Variants in SLCO6A1 observed in about 807,000 individuals in gnomAD.
SLCO6A1 encodes cancer/testis antigen 48.
SLCO6A1 carries 65 observed loss-of-function variants against 72.7 expected under a neutral mutation model. That is an observed-to-expected ratio of 0.89 (90% CI 0.73 to 1.10). The LOEUF (loss-of-function observed/expected upper bound fraction) is 1.10. Among genes scored for constraint, SLCO6A1 ranks in the 50% least tolerant of loss-of-function variants. SLCO6A1 has a pLI of 0.00. For synonymous variants in SLCO6A1, 314 were observed against 298.2 expected (o/e 1.05, Z -0.55); for missense variants, 874 against 872.6 (o/e 1.00, Z -0.02).
At chr5:102,421,210 G>A (rs1748580952) in intron 7 of SLCO6A1, among the ~76,000 whole-genome samples, 1 of 152,076 alleles carries the variant, frequency 6.6e-6, no homozygotes. Flanking sequence ...CAGACAATGA[G>A]CTAGCTGCAG....
At chr5:102,391,262 C>T (rs1746742440) in intron 10 of SLCO6A1, 1 of 489,800 alleles carries the variant, frequency 2.0e-6, no homozygotes, top group African/African-American at 2.0e-5. Context: ...GGTCCTTAGT[C>T]TTCCCAAAGA....
intron 4 of SLCO6A1, among the ~76,000 whole-genome samples, chr5:102,474,501 T>C (rs925076351): frequency 6.6e-6 from 1 of 152,032 alleles, no homozygotes; most frequent in African/African-American, 2.4e-5. Flanking sequence ...GAATGCTTCA[T>C]GCCATTGGAT....
intron 1 of SLCO6A1, among the ~76,000 whole-genome samples, chr5:102,481,212 T>C (rs1358453123): frequency 7.3e-6 from 1 of 137,920 alleles, no homozygotes; most frequent in Non-Finnish European, 1.6e-5. Context: ...GCTGCTGCTG[T>C]TAGAACTGCA....
At chr5:102,470,934 A>G (rs1319910562) in intron 4 of SLCO6A1, among the ~76,000 whole-genome samples, 1 of 151,820 alleles carries the variant, frequency 6.6e-6, no homozygotes, top group Non-Finnish European at 1.5e-5. Flanking sequence ...GGTTTTCTCG[A>G]TTGTTTTTTG....
At chr5:102,405,735 A>C (rs1296366569) in intron 9 of SLCO6A1, among the ~76,000 whole-genome samples, 3 of 152,138 alleles carry the variant, frequency 2.0e-5, no homozygotes, top group Non-Finnish European at 4.4e-5. Flanking sequence ...CATCTTCATG[A>C]ATGATGAATA....
At chr5:102,404,024 A>T (rs1747537386) in intron 9 of SLCO6A1, among the ~76,000 whole-genome samples, 13 of 152,146 alleles carry the variant, frequency 8.5e-5, no homozygotes, top group Admixed American at 8.5e-4. Flanking sequence ...ATACATCACC[A>T]TTTACATAAA....
intron 12 of SLCO6A1, among the ~76,000 whole-genome samples, chr5:102,386,498 T>C (rs1284977654): frequency 2.0e-5 from 3 of 152,088 alleles, no homozygotes; most frequent in African/African-American, 7.2e-5. Flanking sequence ...AACCTAGGGC[T>C]ATGGGGACTA....
At chr5:102,398,275 T>G (rs1222943518) in intron 10 of SLCO6A1, among the ~76,000 whole-genome samples, 1 of 151,996 alleles carries the variant, frequency 6.6e-6, no homozygotes, top group Non-Finnish European at 1.5e-5. Context: ...CGCCCCGAGT[T>G]CAAGCGATTC....
At chr5:102,452,287 T>C (rs1023545878) in intron 6 of SLCO6A1, among the ~76,000 whole-genome samples, 1 of 152,192 alleles carries the variant, frequency 6.6e-6, no homozygotes, top group African/African-American at 2.4e-5. Context: ...TATTATTCCT[T>C]ACCAAATTCC....
chr5:102,407,250 C>T (rs988872376), intron 9 of SLCO6A1, among the ~76,000 whole-genome samples: 4 of 152,300 alleles, frequency 2.6e-5, no homozygotes, highest in African/African-American at 9.6e-5. Flanking sequence ...CAGTTACCCC[C>T]TGCCCTTTTC....
At chr5:102,425,218 G>T (rs1405741683) in intron 7 of SLCO6A1, among the ~76,000 whole-genome samples, 2 of 152,130 alleles carry the variant, frequency 1.3e-5, no homozygotes, top group Admixed American at 6.6e-5. Context: ...ACAAGACAAG[G>T]ATGCCCTCTC....
At position 102,473,525 on chromosome 5, in the gene SLCO6A1, G is replaced by A. The variant is rs544644889; in HGVS notation, c.899+2172C>T. Among the ~76,000 whole-genome samples, 5 of 151,904 alleles carry A rather than the reference G, an allele frequency of 3.3e-5. 1 individual carries two copies. Among genetic ancestry groups the A allele is most frequent in the Non-Finnish European group, 7.4e-5 (5 of 67,900 alleles). ...GCCTACAGTTAACATCATACTCAAT[G>A]GTGAAAACCAGCAAGTTTTCTAAGA... On this transcript the variant is annotated intron_variant, in intron 4 of 13. Transcript: ENST00000506729.
chr5:102,474,141 T>C (rs6596498), intron 4 of SLCO6A1, among the ~76,000 whole-genome samples: 98,746 of 151,742 alleles, frequency 0.65, 32,314 homozygotes, highest in African/African-American at 0.68. Context: ...AAAAGAAAAA[T>C]AAAGTTGGAG....
intron 9 of SLCO6A1, among the ~76,000 whole-genome samples, chr5:102,401,849 G>A (rs1438233272): frequency 3.9e-5 from 6 of 152,092 alleles, no homozygotes; most frequent in Admixed American, 3.3e-4. Flanking sequence ...GAGGGCAAAG[G>A]AGCTTTCATC....
intron 10 of SLCO6A1, among the ~76,000 whole-genome samples, chr5:102,395,014 C>CT (rs542962841): frequency 7.9e-4 from 120 of 151,858 alleles, no homozygotes; most frequent in Non-Finnish European, 1.3e-3. Flanking sequence ...TAAGTCACTA[C>CT]TTTTTTTTAA....
intron 8 of SLCO6A1, among the ~76,000 whole-genome samples, chr5:102,415,972 T>C (rs981619757): frequency 6.6e-6 from 1 of 152,124 alleles, no homozygotes; most frequent in Non-Finnish European, 1.5e-5. Flanking sequence ...ACATCATTGA[T>C]CATCAAACAA....
intron 7 of SLCO6A1, among the ~76,000 whole-genome samples, chr5:102,430,264 C>T (rs1205640552): frequency 6.6e-6 from 1 of 152,084 alleles, no homozygotes; most frequent in Non-Finnish European, 1.5e-5. Context: ...GATAGTTTGG[C>T]TTCCTCTCTT....
At chr5:102,427,393 G>C (rs911198522) in intron 7 of SLCO6A1, among the ~76,000 whole-genome samples, 1 of 152,056 alleles carries the variant, frequency 6.6e-6, no homozygotes, top group African/African-American at 2.4e-5. Context: ...CACTCACATG[G>C]ATAGTATATT....
chr5:102,388,580 G>A, intron 12 of SLCO6A1, 108 bp downstream of exon 12: 2 of 845,242 alleles, frequency 2.4e-6, no homozygotes, highest in Non-Finnish European at 1.7e-6. Context: ...ACTCATCAAA[G>A]TACTTATTTA....
Sources: allele counts gnomAD v4.1 joint callset (sites outside exome capture counted in the v4.1 genomes callset), GRCh38; gene constraint gnomAD v4.1.1; transcripts MANE v1.5; gene names NCBI Gene and HGNC (gene_info 2026-07-23, HGNC 2026-07-21).